LRRC57: variants seen among roughly 807,000 people sequenced by gnomAD.
LRRC57 encodes leucine rich repeat containing 57, also known as leucine-rich repeat-containing protein 57.
LRRC57 carries 14 observed loss-of-function variants against 23.1 expected under a neutral mutation model. The observed-to-expected ratio is 0.61, with a 90% confidence interval of 0.40 to 0.95. The LOEUF is 0.95. LRRC57 is among the 40% of genes least tolerant of loss of function. The probability of loss-of-function intolerance (pLI) is 0.00; values close to 1 mark genes in which losing one functional copy is unlikely to be tolerated. For missense variants in LRRC57, 236 were observed against 284.4 expected (o/e 0.83, Z 1.22); for synonymous variants, 106 against 115.2 (o/e 0.92, Z 0.51).
At chr15:42,548,650 C>G in intron 1 of LRRC57, 43 bp downstream of exon 1, 1 of 626,118 alleles carries the variant, frequency 1.6e-6, no homozygotes, top group Non-Finnish European at 2.8e-6. Flanking sequence ...GGAGGCCAGG[C>G]GCCTCTGGGA....
chr15:42,528,755 T>G, the LRRC57 span, among the ~76,000 whole-genome samples: 41 of 151,990 alleles, frequency 2.7e-4, no homozygotes, highest in South Asian at 8.3e-4. Context: ...CCAGCTAATT[T>G]TTGTATTTTT....
the LRRC57 span, among the ~76,000 whole-genome samples, chr15:42,528,902 G>A: frequency 6.6e-6 from 1 of 152,124 alleles, no homozygotes; most frequent in South Asian, 2.1e-4. Flanking sequence ...AATGTTGACT[G>A]TGGTGGTTGA....
At chr15:42,530,091 C>T in the LRRC57 span, among the ~76,000 whole-genome samples, 47,632 of 151,954 alleles carry the variant, frequency 0.31, 9,320 homozygotes, top group African/African-American at 0.55. Flanking sequence ...AGCTTTTGAG[C>T]GTGTTTTTTT....
the LRRC57 span, chr15:42,529,885 G>C: frequency 1.3e-6 from 2 of 1,534,026 alleles, no homozygotes; most frequent in Non-Finnish European, 1.8e-6. Context: ...ATAGACATCT[G>C]TGCTAGATAC....
rs974413697 is a variant in LRRC57 at position 42,538,043 on chromosome 15, T to G, written c.*6040A>C. On this transcript the variant is annotated 3_prime_UTR_variant, in exon 6 of 6. Coordinates refer to ENST00000397130, the MANE Select transcript of LRRC57 (RefSeq NM_153260.3). ...TGTAAGTTTCAAAATGGCTAGAAGA[T>G]TTGAAATGTTCCCAACACAAACAAA... is the stretch of plus-strand genomic sequence containing the variant. 6.6e-6 allele frequency: 1 copy of G among 152,140 alleles called. No homozygotes were observed. The highest frequency in any genetic ancestry group is 2.4e-5 in the African/African-American group (1 of 41,446). 9.4% of individuals were successfully genotyped at this position (152,140 alleles called of 1,614,324 possible).
the LRRC57 span, chr15:42,532,158 C>G: frequency 6.6e-6 from 1 of 151,438 alleles, no homozygotes; most frequent in Non-Finnish European, 1.5e-5. Flanking sequence ...ATAGCGCGAT[C>G]TGGGCTCACT....
chr15:42,537,033 TTA>T (rs2057603646), downstream of LRRC57, among the ~76,000 whole-genome samples: 11 of 152,164 alleles, frequency 7.2e-5, no homozygotes. Flanking sequence ...CATGTGTGGA[TTA>T]TGAGTCTGTC....
intron 1 of LRRC57, 76 bp downstream of exon 1, chr15:42,548,617 C>T: frequency 1.5e-6 from 1 of 652,238 alleles, no homozygotes; most frequent in Non-Finnish European, 2.6e-6. Context: ...GACCACCAAG[C>T]CCTGCCGCCT....
chr15:42,548,373 A>C lies in LRRC57; in HGVS notation c.62T>G (p.Leu21Arg), dbSNP rs915202979. Reference sequence around the variant, plus strand: ...CACCTCGGTCAGCCCTCGGTCCTTAAGCTGAAAGACACCAGTTTTCTGCGC... The same window carrying C: ...CACCTCGGTCAGCCCTCGGTCCTTACGCTGAAAGACACCAGTTTTCTGCGC... ...ETAQKTGVFQ[L>R]KDRGLTEFPA... The change falls in exon 2 of 6, where the codon CTT (leucine) becomes CGT (arginine). Residue 21 changes from leucine (L) to arginine (R), a missense_variant. By Grantham distance (102) the Leu-to-Arg change is moderately radical (BLOSUM62 -2). Transcript: ENST00000397130. 8 of 1,614,194 alleles carry C rather than the reference A, an allele frequency of 5.0e-6. No individual in the cohort carries two copies. In the South Asian group the frequency reaches 8.8e-5, roughly 18 times the overall value.
rs745738275 is a variant in LRRC57, at chr15:42,547,532, G to A, written c.224-3C>T. 10 of 1,591,356 alleles carry A rather than the reference G, an allele frequency of 6.3e-6. No individual in the cohort carries two copies. Among genetic ancestry groups the A allele is most frequent in the East Asian group, 2.2e-5 (1 of 44,512 alleles). The stretch of plus-strand genomic sequence containing the variant: ...GCATATCTCATCAGGCAGAACAGCT[G>A]GCAAAGAAAAATTTTTTTAAAACCT... On this transcript the variant is annotated splice_region_variant and splice_polypyrimidine_tract_variant and intron_variant, in intron 3 of 5. Transcript: ENST00000397130.
At chr15:42,534,676 A>G (rs1170513445), downstream of LRRC57, among the ~76,000 whole-genome samples, 1 of 152,208 alleles carries the variant, frequency 6.6e-6, no homozygotes, top group African/African-American at 2.4e-5. Context: ...TCTTTGATCC[A>G]AGGGCTGTAG....
At position 42,542,502 on chromosome 15, in the gene LRRC57, A is replaced by G. The variant is rs1335052356; in HGVS notation, c.*1581T>C. The G allele has an allele frequency of 1.3e-5, 2 of 152,564 alleles. No individual in the cohort carries two copies. The highest frequency in any genetic ancestry group is 1.3e-4 in the Admixed American group (2 of 15,290). 9.5% of individuals were successfully genotyped at this position (152,564 alleles called of 1,614,324 possible). A position where few individuals can be genotyped will look rare whatever the true frequency, so the allele number is the denominator to read the frequency against. On this transcript the variant is annotated 3_prime_UTR_variant, in exon 6 of 6. Transcript: ENST00000397130. ...TCCTGTCCTCCTCCTTTAAAGGATTAACCTTGCTTCCAGCCAAAGTTCATT... is the reference window on the plus strand; with the variant it reads ...TCCTGTCCTCCTCCTTTAAAGGATTGACCTTGCTTCCAGCCAAAGTTCATT...
At chr15:42,531,629 T>G in the LRRC57 span, 1 of 525,588 alleles carries the variant, frequency 1.9e-6, no homozygotes, top group Non-Finnish European at 3.3e-6. Context: ...CCCTCCTTCT[T>G]TTTTGTTTTC....
chr15:42,529,589 T>C, the LRRC57 span: 2,580 of 1,382,656 alleles, frequency 1.9e-3, 34 homozygotes, highest in African/African-American at 0.034. Flanking sequence ...GAGAGTCATT[T>C]TGGTTACTTA....
At chr15:42,529,752 A>T in the LRRC57 span, 17 of 1,614,042 alleles carry the variant, frequency 1.1e-5, no homozygotes, top group Non-Finnish European at 7.6e-6. Flanking sequence ...AATCTAAAAG[A>T]CATGGCCCTG....
rs924320882 is a variant in LRRC57 at position 42,543,497 on chromosome 15, G to A, written c.*586C>T. ...TTATAGGCATGAGCCACCATGCCCA[G>A]GCCAAAGTGCACTTTTAATCAAGAC... On this transcript the variant is annotated 3_prime_UTR_variant, in exon 6 of 6. Coordinates refer to ENST00000397130, the MANE Select transcript of LRRC57 (RefSeq NM_153260.3). 1 of 152,226 alleles carries A rather than the reference G, an allele frequency of 6.6e-6. No homozygotes were observed. The highest frequency in any genetic ancestry group is 6.5e-5 in the Admixed American group (1 of 15,278). 9.4% of individuals were successfully genotyped at this position (152,226 alleles called of 1,614,324 possible). A position where few individuals can be genotyped will look rare whatever the true frequency, so the allele number is the denominator to read the frequency against.
At chr15:42,535,881 A>T (rs898441190), downstream of LRRC57, among the ~76,000 whole-genome samples, 6 of 152,326 alleles carry the variant, frequency 3.9e-5, no homozygotes, top group Admixed American at 6.5e-5. Context: ...CTGCCATCTT[A>T]TGGCTTGGGC....
At chr15:42,531,624 C>A in the LRRC57 span, 1 of 536,820 alleles carries the variant, frequency 1.9e-6, no homozygotes, top group East Asian at 3.2e-5. Flanking sequence ...TACAGCCCTC[C>A]TTCTTTTTTG....
In LRRC57 at chr15:42,540,481, T is replaced by C. The variant is rs900040959; in HGVS notation, c.*3602A>G. On this transcript the variant is annotated 3_prime_UTR_variant, in exon 6 of 6. Coordinates refer to ENST00000397130, the MANE Select transcript of LRRC57 (RefSeq NM_153260.3). ...TTTTGTATAAGGGACTTGAGCATCATGGACTTGGTATCCATGGAGGTATTG... is the reference window on the plus strand; with the variant it reads ...TTTTGTATAAGGGACTTGAGCATCACGGACTTGGTATCCATGGAGGTATTG... 1.3e-5 allele frequency: 2 copies of C among 152,142 alleles called. No individual in the cohort carries two copies. The highest frequency in any genetic ancestry group is 2.9e-5 in the Non-Finnish European group (2 of 68,034). The allele number at this position is 152,142 out of a possible 1,614,324, so 9.4% of individuals were successfully genotyped here.
Sources: gnomAD v4.1 joint callset for allele counts (sites outside exome capture counted in the v4.1 genomes callset) on GRCh38, gnomAD v4.1.1 for gene constraint, MANE v1.5 for transcripts, NCBI Gene and HGNC (gene_info 2026-07-23, HGNC 2026-07-21) for gene names.